The following ASCC1 variants were observed in gnomAD, a reference collection of about 807,000 sequenced individuals.
ASCC1 encodes the protein activating signal cointegrator 1 complex subunit 1.
In ASCC1, 35 loss-of-function variants were observed where a neutral mutation model predicts 46.6. The ratio of observed to expected loss-of-function variants is 0.75; its 90% CI spans 0.57 to 0.99. The LOEUF is 0.99. ASCC1 is among the 50% of genes least tolerant of loss of function. The pLI, the probability that ASCC1 is intolerant of heterozygous loss-of-function variation, is 0.00. For missense variants in ASCC1, 376 were observed against 428.7 expected (o/e 0.88, Z 1.09); for synonymous variants, 143 against 146.6 (o/e 0.98, Z 0.18).
At chr10:72,161,089 CA>C (rs1291458944) in intron 6 of ASCC1, among the ~76,000 whole-genome samples, 1 of 136,030 alleles carries the variant, frequency 7.4e-6, no homozygotes, top group African/African-American at 2.7e-5. Flanking sequence ...TCTCAAAAAA[CA>C]AAAAAAAAGA....
intron 4 of ASCC1, 92 bp downstream of exon 4, chr10:72,203,335 A>G: frequency 1.0e-6 from 1 of 982,504 alleles, no homozygotes; most frequent in South Asian, 1.3e-5. Flanking sequence ...AACCCCACAG[A>G]AAACATAGTT....
At chr10:72,140,167 C>T (rs996106068) in intron 7 of ASCC1, among the ~76,000 whole-genome samples, 1 of 152,020 alleles carries the variant, frequency 6.6e-6, no homozygotes, top group Non-Finnish European at 1.5e-5. Flanking sequence ...CACATAACTC[C>T]CTGCCCCCAA....
At chr10:72,150,624 G>A (rs547546372) in intron 7 of ASCC1, among the ~76,000 whole-genome samples, 2 of 152,314 alleles carry the variant, frequency 1.3e-5, no homozygotes, top group African/African-American at 2.4e-5. Context: ...GGATGTAGGT[G>A]TAGTAAGAAC....
At chr10:72,169,868 C>G (rs1850836252) in intron 5 of ASCC1, among the ~76,000 whole-genome samples, 1 of 152,170 alleles carries the variant, frequency 6.6e-6, no homozygotes, top group Non-Finnish European at 1.5e-5. Flanking sequence ...GCCTGTAATC[C>G]CAGCACTTTG....
intron 1 of ASCC1, among the ~76,000 whole-genome samples, chr10:72,214,364 TC>T (rs1564778548): frequency 5.3e-4 from 77 of 145,750 alleles, no homozygotes; most frequent in African/African-American, 1.1e-3. Context: ...TTGCACAATA[TC>T]TCTTTTTTTT....
intron 5 of ASCC1, among the ~76,000 whole-genome samples, chr10:72,181,693 A>AT (rs758997323): frequency 3.6e-4 from 54 of 149,634 alleles, no homozygotes; most frequent in South Asian, 1.1e-3. Flanking sequence ...ATATCAAGTG[A>AT]TTTTTTTTTT....
At chr10:72,132,795 T>C (rs957211336) in intron 8 of ASCC1, among the ~76,000 whole-genome samples, 17 of 152,040 alleles carry the variant, frequency 1.1e-4, no homozygotes, top group African/African-American at 4.1e-4. Flanking sequence ...TATTCACTGT[T>C]TATATAAAAT....
At chr10:72,161,942 T>A (rs1258019597) in intron 5 of ASCC1, among the ~76,000 whole-genome samples, 10 of 152,154 alleles carry the variant, frequency 6.6e-5, no homozygotes, top group Admixed American at 3.9e-4. Flanking sequence ...AGCAATGGAT[T>A]CTCAGATATG....
At chr10:72,106,737 A>G (rs1307402514) in intron 9 of ASCC1, among the ~76,000 whole-genome samples, 1 of 152,150 alleles carries the variant, frequency 6.6e-6, no homozygotes, top group East Asian at 1.9e-4. Flanking sequence ...CATTAACTCC[A>G]AAAAAATTGC....
intron 5 of ASCC1, among the ~76,000 whole-genome samples, chr10:72,173,559 T>C (rs1049166147): frequency 1.3e-5 from 2 of 152,174 alleles, no homozygotes; most frequent in African/African-American, 4.8e-5. Context: ...CTGTAGACTA[T>C]ATAATTTACA....
At chr10:72,197,342 C>T (rs569332290) in intron 4 of ASCC1, among the ~76,000 whole-genome samples, 4 of 151,620 alleles carry the variant, frequency 2.6e-5, no homozygotes, top group East Asian at 1.9e-4. Flanking sequence ...TGGTGGCGGG[C>T]GCCTGTAGTC....
chr10:72,196,426 A>T (rs971013187), intron 5 of ASCC1, among the ~76,000 whole-genome samples: 1 of 151,894 alleles, frequency 6.6e-6, no homozygotes, highest in Non-Finnish European at 1.5e-5. Flanking sequence ...TTACAGGCAC[A>T]TGCCACCTCA....
chr10:72,210,119 G>C (rs913879268), intron 3 of ASCC1, among the ~76,000 whole-genome samples: 5 of 149,426 alleles, frequency 3.3e-5, no homozygotes, highest in Non-Finnish European at 4.4e-5. Context: ...TGCCATGCTT[G>C]TACTGTCTGT....
intron 7 of ASCC1, chr10:72,133,555 C>A: frequency 3.3e-6 from 1 of 304,570 alleles, no homozygotes; most frequent in Non-Finnish European, 6.4e-6. Context: ...ACAGCAAGTG[C>A]AAAGATGCCA....
intron 7 of ASCC1, among the ~76,000 whole-genome samples, chr10:72,137,782 AC>A (rs1393211412): frequency 6.6e-6 from 1 of 152,208 alleles, no homozygotes; most frequent in Non-Finnish European, 1.5e-5. Flanking sequence ...TGGTGAGGTT[AC>A]GTAATCAGAA....
At chr10:72,162,815 C>T (rs1003419589) in intron 5 of ASCC1, among the ~76,000 whole-genome samples, 1 of 151,822 alleles carries the variant, frequency 6.6e-6, no homozygotes, top group Non-Finnish European at 1.5e-5. Context: ...TGGTGGCAGG[C>T]GCCTGTAATC....
chr10:72,167,884 C>T (rs1850567278), intron 5 of ASCC1, among the ~76,000 whole-genome samples: 1 of 152,074 alleles, frequency 6.6e-6, no homozygotes, highest in Admixed American at 6.6e-5. Flanking sequence ...GCAGGCCTCC[C>T]ACCTGAAGCT....
At chr10:72,172,245 C>A (rs1775406521) in intron 5 of ASCC1, among the ~76,000 whole-genome samples, 1 of 151,684 alleles carries the variant, frequency 6.6e-6, no homozygotes, top group South Asian at 2.1e-4. Flanking sequence ...GAAACCCCGT[C>A]TCTACTAAAA....
intron 5 of ASCC1, among the ~76,000 whole-genome samples, chr10:72,162,414 G>A (rs1005286803): frequency 2.0e-5 from 3 of 151,728 alleles, no homozygotes; most frequent in African/African-American, 4.8e-5. Context: ...CTCATGATCC[G>A]CCCGCCTCAG....
Sources: gnomAD v4.1 joint callset for allele counts (sites outside exome capture counted in the v4.1 genomes callset) on GRCh38, gnomAD v4.1.1 for gene constraint, MANE v1.5 for transcripts, NCBI Gene and HGNC (gene_info 2026-07-23, HGNC 2026-07-21) for gene names.